Variants in RYR2 observed in about 807,000 individuals in gnomAD.
RYR2 encodes the protein ryanodine receptor 2, also known as cardiac muscle ryanodine receptor-calcium release channel.
A neutral mutation model predicts 601.1 loss-of-function variants in RYR2; 227 were observed. That is an observed-to-expected ratio of 0.38 (90% CI 0.34 to 0.42). The LOEUF (loss-of-function observed/expected upper bound fraction) is 0.42. RYR2 is among the 10% of genes least tolerant of loss of function. The pLI is 1.00. For synonymous variants in RYR2, 2,223 were observed against 2,175.1 expected, an observed-to-expected ratio of 1.02 and a Z score of -0.61; for missense variants, 4,646 against 6,156.5, an observed-to-expected ratio of 0.75 and a Z score of 8.21.
At chr1:237,466,740 T>A (rs1660127960) in intron 16 of RYR2, among the ~76,000 whole-genome samples, 2 of 152,098 alleles carry the variant, frequency 1.3e-5, no homozygotes, top group Non-Finnish European at 2.9e-5. Context: ...AAAGTGTTTA[T>A]TTAATTTTGC....
intron 1 of RYR2, among the ~76,000 whole-genome samples, chr1:237,261,167 G>A (rs531852948): frequency 3.3e-5 from 5 of 152,290 alleles, no homozygotes; most frequent in East Asian, 1.9e-4. Context: ...TAAATGCAAC[G>A]CATATCTAGA....
chr1:237,766,393 A>C (rs73101995), intron 84 of RYR2, among the ~76,000 whole-genome samples: 289 of 152,320 alleles, frequency 1.9e-3, no homozygotes, highest in African/African-American at 6.8e-3. Flanking sequence ...TCCTCCAAAG[A>C]TAGTGACCAG....
intron 84 of RYR2, among the ~76,000 whole-genome samples, chr1:237,766,155 C>T (rs930511850): frequency 2.8e-4 from 43 of 152,212 alleles, no homozygotes; most frequent in African/African-American, 1.0e-3. Flanking sequence ...AACATAGTAC[C>T]TGGGAGGCCA....
rs1683716140 is a variant in RYR2, at chr1:237,660,857, G to A, written c.8346G>A (p.Met2782Ile). Residue 2782 changes from methionine (M) to isoleucine (I), a missense_variant, in exon 56 of 105, where the codon ATG becomes ATA. Physicochemically the swap from Met to Ile is conservative, Grantham distance 10 (BLOSUM62 1). This residue lies in a region of RYR2 where 1,497 missense variants were observed against 1,842.6 expected (regional missense o/e 0.81). Transcript: ENST00000366574. ...RWPIKESLKTMLAWGWRIERT... is the reference protein window; with the variant it reads ...RWPIKESLKTILAWGWRIERT... ...CAATCAAAGAATCTTTAAAAACTAT[G>A]CTGGCTTGGGGCTGGAGAATTGAAA... 1 of 1,547,118 alleles carries A rather than the reference G, an allele frequency of 6.5e-7. No individual in the cohort carries two copies.
At chr1:237,591,096 C>G in intron 31 of RYR2, 104 bp downstream of exon 31, 1 of 245,656 alleles carries the variant, frequency 4.1e-6, no homozygotes, top group South Asian at 6.2e-5. Flanking sequence ...CCTTCTCCTC[C>G]TCCTCCTCCT....
intron 1 of RYR2, among the ~76,000 whole-genome samples, chr1:237,246,473 T>G (rs927325775): frequency 3.9e-5 from 6 of 152,180 alleles, no homozygotes; most frequent in African/African-American, 1.4e-4. Flanking sequence ...TTGCCAGTGC[T>G]TCCTTTCCCT....
rs374600915 is a variant in RYR2 at position 237,656,002 on chromosome 1, T to A, written c.8129+18T>A. ...ACCTCAAAGTATGGACTCTTTCTATTGCAGCAGATTTTTATTGTAAATGAT... is the reference window on the plus strand; with the variant it reads ...ACCTCAAAGTATGGACTCTTTCTATAGCAGCAGATTTTTATTGTAAATGAT... On this transcript the variant is annotated intron_variant, in intron 53 of 104. Coordinates refer to ENST00000366574, the MANE Select transcript of RYR2 (RefSeq NM_001035.3). 3 of 1,609,376 alleles carry A rather than the reference T, an allele frequency of 1.9e-6. No homozygotes were observed. The highest frequency in any genetic ancestry group is 2.7e-5 in the African/African-American group (2 of 74,758).
chr1:237,552,912 G>A lies in RYR2; in HGVS notation c.3214+2221G>A, dbSNP rs182195001. On this transcript the variant is annotated intron_variant, in intron 27 of 104. Transcript: ENST00000366574. The stretch of plus-strand genomic sequence containing the variant: ...CATTTCTCTTAGACTAAATATTTAG[G>A]AGTATAATTACCGAGGCATATTTTC... Among the ~76,000 whole-genome samples, 374 of 151,830 alleles carry A rather than the reference G, an allele frequency of 2.5e-3. 1 individual carries two copies. Among genetic ancestry groups the A allele is most frequent in the African/African-American group, 8.5e-3 (352 of 41,474 alleles).
At chr1:237,268,935 C>CAA (rs1160004017) in intron 1 of RYR2, among the ~76,000 whole-genome samples, 1,717 of 16,128 alleles carry the variant, frequency 0.11, 378 homozygotes, top group African/African-American at 0.2. Context: ...ACTCTTGTCT[C>CAA]AAAAAAAAAA....
chr1:237,247,443 A>G (rs268779), intron 1 of RYR2, among the ~76,000 whole-genome samples: 55,398 of 152,048 alleles, frequency 0.36, 10,163 homozygotes, highest in East Asian at 0.5. Flanking sequence ...AGGCAGTTAC[A>G]GTAACTATAG....
rs542630085 is a variant in RYR2 at position 237,718,572 on chromosome 1, A to G, written c.10554+51A>G. Reference sequence around the variant, plus strand: ...ACATTTACTACCTATACATTAGTTAATCTCTCTTTAAAATAATACTATAAA... The same window carrying G: ...ACATTTACTACCTATACATTAGTTAGTCTCTCTTTAAAATAATACTATAAA... On this transcript the variant is annotated intron_variant, in intron 73 of 104. Coordinates refer to ENST00000366574, the MANE Select transcript of RYR2 (RefSeq NM_001035.3). 1.3e-4 allele frequency: 123 copies of G among 916,618 alleles called. No individual in the cohort carries two copies. In the East Asian group the frequency reaches 3.0e-3, roughly 22 times the overall value. The allele number at this position is 916,618 out of a possible 1,614,324, so 56.8% of individuals were successfully genotyped here. A position where few individuals can be genotyped will look rare whatever the true frequency, so the allele number is the denominator to read the frequency against.
At chr1:237,504,397 A>G in intron 22 of RYR2, among the ~76,000 whole-genome samples, 1 of 152,168 alleles carries the variant, frequency 6.6e-6, no homozygotes, top group Non-Finnish European at 1.5e-5. Context: ...AATTACAAAG[A>G]ACCTTCTTAA....
At chr1:237,447,823 TCCTC>T (rs530241475) in intron 14 of RYR2, among the ~76,000 whole-genome samples, 4 of 148,846 alleles carry the variant, frequency 2.7e-5, no homozygotes, top group East Asian at 4.0e-4. Context: ...TTCCATCCTT[TCCTC>T]CCTCCCTCCC....
intron 1 of RYR2, among the ~76,000 whole-genome samples, chr1:237,082,766 T>G (rs1018951980): frequency 6.6e-6 from 1 of 151,888 alleles, no homozygotes; most frequent in Non-Finnish European, 1.5e-5. Context: ...ATTCTTTATT[T>G]GAGCAATTTA....
intron 12 of RYR2, 24 bp from the exon 13 acceptor site, chr1:237,441,295 C>CT: frequency 6.2e-7 from 1 of 1,612,634 alleles, no homozygotes; most frequent in Non-Finnish European, 8.5e-7. Context: ...GTTTACTGAC[C>CT]TTTTTTTCCT....
At chr1:237,255,945 G>A (rs756865957) in intron 1 of RYR2, among the ~76,000 whole-genome samples, 7 of 151,028 alleles carry the variant, frequency 4.6e-5, no homozygotes, top group Non-Finnish European at 8.8e-5. Context: ...CAGGAGTGTG[G>A]CAGAGGGAGA....
rs1030024445 is a variant in RYR2, at chr1:237,500,888, T to G, written c.2381T>G (p.Phe794Cys). 3.7e-6 allele frequency: 6 copies of G among 1,613,914 alleles called. No homozygotes were observed. Among genetic ancestry groups the G allele is most frequent in the Admixed American group, 1.7e-5 (1 of 60,008 alleles). Residue 794 changes from phenylalanine to cysteine, a missense_variant, in exon 21 of 105, where the codon TTC becomes TGC. Phe to Cys is a radical substitution (Grantham distance 205). Coordinates refer to ENST00000366574, the MANE Select transcript of RYR2 (RefSeq NM_001035.3). The part of the protein sequence containing the change: ...IDGLFFPVVS[F>C]SAGIKVRFLL... ...GGCCTCTTCTTTCCAGTCGTTAGTT[T>G]CTCTGCAGGAATAAAGTTAGTATGT...
At chr1:237,744,536 A>G (rs1691901288) in intron 80 of RYR2, among the ~76,000 whole-genome samples, 1 of 151,926 alleles carries the variant, frequency 6.6e-6, no homozygotes, top group African/African-American at 2.4e-5. Flanking sequence ...CACGCCTGTA[A>G]TCCCAGCTAC....
chr1:237,610,376 A>G lies in RYR2; in HGVS notation c.4684-386A>G, dbSNP rs1559109315. ...TGAGAGAGAGAGCCAGGGGGATGTG[A>G]CATATCTGTCATTCAGGAAGTTTGG... On this transcript the variant is annotated intron_variant, in intron 35 of 104. Coordinates refer to ENST00000366574, the MANE Select transcript of RYR2 (RefSeq NM_001035.3). The surrounding 1 kb of genome is among the most constrained non-coding windows in gnomAD (Gnocchi z 4.9). Among the ~76,000 whole-genome samples the G allele has an allele frequency of 6.6e-6, 1 of 152,162 alleles. No homozygotes were observed. Among genetic ancestry groups the G allele is most frequent in the Non-Finnish European group, 1.5e-5 (1 of 68,038 alleles).
Sources: allele counts gnomAD v4.1 joint callset (sites outside exome capture counted in the v4.1 genomes callset), GRCh38; gene constraint gnomAD v4.1.1; regional missense constraint gnomAD v4.1.1; non-coding constraint Gnocchi (gnomAD v3.1); transcripts MANE v1.5; gene names NCBI Gene and HGNC (gene_info 2026-07-23, HGNC 2026-07-21).